The following MGST1 variants were observed in gnomAD, a reference collection of about 807,000 sequenced individuals.
The protein encoded by MGST1 is microsomal glutathione S-transferase 1.
In MGST1, 5 loss-of-function variants were observed where a neutral mutation model predicts 8.9. The observed-to-expected ratio is 0.56, with a 90% CI of 0.29 to 1.19. The LOEUF (loss-of-function observed/expected upper bound fraction) is 1.19. Ranked by LOEUF, MGST1 falls within the 50% of genes most tolerant of loss-of-function variation. The pLI is 0.08. For missense variants in MGST1, 182 were observed against 187.4 expected, an observed-to-expected ratio of 0.97 and a Z score of 0.17; for synonymous variants, 54 against 67.8, an observed-to-expected ratio of 0.80 and a Z score of 1.00.
At chr12:16,533,630 T>C (rs61915327) in intron 4 of MGST1, among the ~76,000 whole-genome samples, 4,146 of 152,244 alleles carry the variant, frequency 0.027, 95 homozygotes, top group Middle Eastern at 0.061. Context: ...GTCCAACTGA[T>C]TGATTGATTA....
chr12:16,523,252 A>C (rs1198496894), intron 4 of MGST1, among the ~76,000 whole-genome samples: 1 of 152,084 alleles, frequency 6.6e-6, no homozygotes, highest in Non-Finnish European at 1.5e-5. Flanking sequence ...CCCTGGACCA[A>C]GTCTTAGTAA....
intron 4 of MGST1, among the ~76,000 whole-genome samples, chr12:16,457,027 T>A (rs1223887151): frequency 3.3e-5 from 5 of 151,956 alleles, no homozygotes; most frequent in Non-Finnish European, 5.9e-5. Context: ...ACTCCGTGCA[T>A]AAAGGCATTT....
At chr12:16,398,648 T>C (rs1297886986) in intron 1 of MGST1, among the ~76,000 whole-genome samples, 1 of 152,248 alleles carries the variant, frequency 6.6e-6, no homozygotes, top group Non-Finnish European at 1.5e-5. Flanking sequence ...GGGAGTATCA[T>C]TGCTTTTTGT....
At chr12:16,467,091 AAC>A (rs1941260962) in intron 4 of MGST1, among the ~76,000 whole-genome samples, 1 of 152,208 alleles carries the variant, frequency 6.6e-6, no homozygotes, top group African/African-American at 2.4e-5. Flanking sequence ...TGTGATATGA[AAC>A]ACAAATCTAA....
chr12:16,573,590 T>A (rs1242839738), intron 4 of MGST1: 2 of 152,220 alleles, frequency 1.3e-5, no homozygotes, highest in African/African-American at 4.8e-5. Flanking sequence ...AGCTTCTTAA[T>A]GTGCCAAGAA....
At chr12:16,538,415 A>C (rs558126428) in intron 4 of MGST1, among the ~76,000 whole-genome samples, 1 of 152,160 alleles carries the variant, frequency 6.6e-6, no homozygotes, top group African/African-American at 2.4e-5. Flanking sequence ...CCCAGTTCCA[A>C]AGTCGCTTCC....
chr12:16,415,094 G>T (rs12828508), intron 1 of MGST1, among the ~76,000 whole-genome samples: 6 of 151,980 alleles, frequency 3.9e-5, no homozygotes, highest in East Asian at 3.9e-4. Context: ...CCTATGTAAG[G>T]GACTGGAACA....
rs548035802 is a variant in MGST1 at position 16,419,273 on chromosome 12, A to G, written n.779-18115A>G. ...AGATACCTCAGCCTACCTCTTCTTAAAATACAAGCTCCTGTGGGCATTATC... is the reference window on the plus strand; with the variant it reads ...AGATACCTCAGCCTACCTCTTCTTAGAATACAAGCTCCTGTGGGCATTATC... On this transcript the variant is annotated intron_variant and non_coding_transcript_variant, in intron 1 of 1. Coordinates refer to the MGST1 transcript ENST00000359720. 2.6e-5 allele frequency among the ~76,000 whole-genome samples: 4 copies of G among 152,242 alleles called. No homozygotes were observed. The South Asian group carries it at 8.3e-4, about 32-fold the overall frequency.
chr12:16,403,289 A>G (rs1211366580), intron 1 of MGST1, among the ~76,000 whole-genome samples: 1 of 152,100 alleles, frequency 6.6e-6, no homozygotes, highest in African/African-American at 2.4e-5. Context: ...AAATGTGTGA[A>G]GTTATTCCCC....
At chr12:16,561,126 T>C (rs1942390318) in intron 4 of MGST1, among the ~76,000 whole-genome samples, 1 of 152,162 alleles carries the variant, frequency 6.6e-6, no homozygotes, top group Admixed American at 6.5e-5. Context: ...GTAAACTATA[T>C]ATAGCTAGAC....
At chr12:16,539,099 A>G (rs544865214) in intron 4 of MGST1, among the ~76,000 whole-genome samples, 1 of 152,304 alleles carries the variant, frequency 6.6e-6, no homozygotes, top group African/African-American at 2.4e-5. Context: ...TGGGAGTACA[A>G]TTCAAGATGA....
At chr12:16,591,379 C>G (rs1420186367), downstream of MGST1, among the ~76,000 whole-genome samples, 1 of 151,968 alleles carries the variant, frequency 6.6e-6, no homozygotes, top group Non-Finnish European at 1.5e-5. This position sits in a 1 kb window ranked among gnomAD's most constrained non-coding sequence, Gnocchi z 4.1. Flanking sequence ...GTCTGCACCC[C>G]CTCCACACAA....
chr12:16,483,298 T>C (rs755861543), intron 4 of MGST1, among the ~76,000 whole-genome samples: 1 of 152,042 alleles, frequency 6.6e-6, no homozygotes, highest in Non-Finnish European at 1.5e-5. Flanking sequence ...GTGCCCTTAA[T>C]AATTTTCTTC....
chr12:16,407,381 A>G (rs1940704661), intron 1 of MGST1, among the ~76,000 whole-genome samples: 1 of 152,210 alleles, frequency 6.6e-6, no homozygotes, highest in African/African-American at 2.4e-5. Flanking sequence ...CACACCAGTC[A>G]GGATGGCTAT....
At chr12:16,388,551 T>C (rs200274644) in intron 1 of MGST1, among the ~76,000 whole-genome samples, 3 of 152,334 alleles carry the variant, frequency 2.0e-5, no homozygotes, top group East Asian at 3.9e-4. Context: ...TCTTGAAATA[T>C]ACACTTGCAG....
At chr12:16,488,080 C>T (rs1200033978) in intron 4 of MGST1, among the ~76,000 whole-genome samples, 4 of 152,054 alleles carry the variant, frequency 2.6e-5, no homozygotes, top group African/African-American at 9.7e-5. Flanking sequence ...ATTGCAGTAA[C>T]CGTTAGAAGA....
intron 3 of MGST1, among the ~76,000 whole-genome samples, chr12:16,372,160 G>A (rs1236355460): frequency 6.6e-6 from 1 of 151,932 alleles, no homozygotes; most frequent in Non-Finnish European, 1.5e-5. Flanking sequence ...AAACACAGGC[G>A]ACCAAAGCAG....
At chr12:16,552,531 A>G (rs1452873705) in intron 4 of MGST1, among the ~76,000 whole-genome samples, 3 of 152,182 alleles carry the variant, frequency 2.0e-5, no homozygotes, top group South Asian at 2.1e-4. Context: ...TTTTTTTCCA[A>G]CTGGGTAGCT....
Position 16,513,797 on chromosome 12 carries a change from G to A in MGST1, n.483-75731G>A. ...ACCATTTCTGGAACTAGTGCCTTAAGGATCAGAGCTAGTTTTCTGCAAAGA... is the reference window on the plus strand; with the variant it reads ...ACCATTTCTGGAACTAGTGCCTTAAAGATCAGAGCTAGTTTTCTGCAAAGA... On this transcript the variant is annotated intron_variant and non_coding_transcript_variant, in intron 4 of 4. Transcript: ENST00000538857. The surrounding 1 kb of genome is among the most constrained non-coding windows in gnomAD (Gnocchi z 4.2). 1 of 604,558 alleles carries A rather than the reference G, an allele frequency of 1.7e-6. No homozygotes were observed. The highest frequency in any genetic ancestry group is 1.4e-5 in the South Asian group (1 of 71,460). 37.4% of individuals were successfully genotyped at this position (604,558 alleles called of 1,614,324 possible). A position where few individuals can be genotyped will look rare whatever the true frequency, so the allele number is the denominator to read the frequency against.
Sources: allele counts gnomAD v4.1 joint callset (sites outside exome capture counted in the v4.1 genomes callset), GRCh38; gene constraint gnomAD v4.1.1; non-coding constraint Gnocchi (gnomAD v3.1); transcripts MANE v1.5; gene names NCBI Gene and HGNC (gene_info 2026-07-23, HGNC 2026-07-21).